The following TPD52 variants were observed in gnomAD, a reference collection of about 807,000 sequenced individuals.
TPD52 encodes tumor protein D52, also known as prostate and colon associated protein.
In TPD52, 17 loss-of-function variants were observed where a neutral mutation model predicts 31.3. The observed-to-expected ratio is 0.54, with a 90% confidence interval of 0.37 to 0.82. The LOEUF is 0.82. Among genes scored for constraint, TPD52 ranks in the 40% least tolerant of loss-of-function variants. The pLI, the probability that TPD52 is intolerant of heterozygous loss-of-function variation, is 0.00. For synonymous variants in TPD52, 83 were observed against 89.6 expected (o/e 0.93, Z 0.42); for missense variants, 212 against 240.1 (o/e 0.88, Z 0.77).
chr8:80,127,272 T>C (rs1264034097), intron 1 of TPD52, among the ~76,000 whole-genome samples: 5 of 152,222 alleles, frequency 3.3e-5, no homozygotes, highest in East Asian at 1.9e-4. Context: ...TCTCCAGCTC[T>C]CTCATCCAAA....
intron 1 of TPD52, among the ~76,000 whole-genome samples, chr8:80,106,883 G>A (rs372473802): frequency 3.5e-4 from 51 of 145,704 alleles, no homozygotes; most frequent in African/African-American, 1.3e-3. Context: ...ACGGAGTTTC[G>A]CTCTGTTGCC....
chr8:80,068,928 GA>G (rs1401849787), intron 1 of TPD52, among the ~76,000 whole-genome samples: 2 of 152,172 alleles, frequency 1.3e-5, no homozygotes, highest in Non-Finnish European at 2.9e-5. Context: ...AAATGGCTTA[GA>G]AAATGCCAGG....
chr8:80,051,390 G>A (rs758573936), intron 4 of TPD52, 137 bp downstream of exon 4: 2 of 733,884 alleles, frequency 2.7e-6, no homozygotes, highest in Non-Finnish European at 4.7e-6. Flanking sequence ...CCAGGTACTG[G>A]TTTGAAGGAG....
intron 1 of TPD52, among the ~76,000 whole-genome samples, chr8:80,152,060 A>G (rs1810604003): frequency 1.3e-5 from 2 of 152,342 alleles, no homozygotes; most frequent in South Asian, 4.1e-4. Context: ...CAAAAATAGA[A>G]TACTGCAACG....
chr8:80,096,279 C>CACACAA (rs1816729069), intron 1 of TPD52, among the ~76,000 whole-genome samples: 2 of 122,600 alleles, frequency 1.6e-5, no homozygotes, highest in African/African-American at 6.1e-5. Flanking sequence ...GACTATCAAA[C>CACACAA]ACACACACAC....
intron 1 of TPD52, among the ~76,000 whole-genome samples, chr8:80,081,333 G>A (rs930758399): frequency 1.3e-5 from 2 of 152,022 alleles, no homozygotes; most frequent in Admixed American, 6.6e-5. Flanking sequence ...GAAGGACTGG[G>A]CCACAGCTAG....
downstream of TPD52, among the ~76,000 whole-genome samples, chr8:80,031,662 A>C (rs140774099): frequency 5.4e-3 from 819 of 152,246 alleles, 6 homozygotes; most frequent in African/African-American, 0.019. Context: ...GTCCGAGACC[A>C]GCTTGGGCCA....
downstream of TPD52, among the ~76,000 whole-genome samples, chr8:80,033,705 CAG>C (rs1809752134): frequency 6.6e-6 from 1 of 152,158 alleles, no homozygotes; most frequent in South Asian, 2.1e-4. Context: ...GTGAGCAAGG[CAG>C]AGAGGAGCGT....
At chr8:80,143,827 T>C (rs1208420204) in intron 1 of TPD52, among the ~76,000 whole-genome samples, 2 of 152,190 alleles carry the variant, frequency 1.3e-5, no homozygotes, top group Non-Finnish European at 1.5e-5. Context: ...TTTAGTACAT[T>C]CCACCATATT....
At chr8:80,104,186 C>T (rs1806938263) in intron 1 of TPD52, among the ~76,000 whole-genome samples, 2 of 152,130 alleles carry the variant, frequency 1.3e-5, no homozygotes, top group Admixed American at 1.3e-4. Flanking sequence ...GAAGTTAAGT[C>T]CTAACAAGCT....
At chr8:80,058,516 G>C (rs1471571282) in intron 2 of TPD52, among the ~76,000 whole-genome samples, 1 of 152,226 alleles carries the variant, frequency 6.6e-6, no homozygotes, top group Non-Finnish European at 1.5e-5. Flanking sequence ...AAAAATATAT[G>C]GCTGGGCATG....
At chr8:80,093,324 T>C (rs1181705049) in intron 1 of TPD52, among the ~76,000 whole-genome samples, 8 of 152,190 alleles carry the variant, frequency 5.3e-5, no homozygotes, top group African/African-American at 1.9e-4. Context: ...AGAGGTGTCA[T>C]CCAAGCTAAA....
rs77936489 is a variant in TPD52 at position 80,112,455 on chromosome 8, C to T, written c.20-47862G>A. ...TCTTCCTCCAAGATTTGGGGCAGGT[C>T]CCAGGCATCTCTATGTTTAACTAGT... On this transcript the variant is annotated intron_variant, in intron 1 of 7. Coordinates refer to ENST00000518937, the MANE Select transcript of TPD52 (RefSeq NM_001025253.3). Among the ~76,000 whole-genome samples the T allele has an allele frequency of 5.4e-3, 822 of 152,176 alleles. 7 individuals are homozygous for T. The highest frequency in any genetic ancestry group is 0.019 in the African/African-American group (778 of 41,500).
rs539377453 is a variant in TPD52, at chr8:80,043,645, T to C, written c.455+522A>G. On this transcript the variant is annotated intron_variant, in intron 6 of 7. Coordinates refer to ENST00000518937, the MANE Select transcript of TPD52 (RefSeq NM_001025253.3). Reference sequence around the variant, plus strand: ...GGTTTCACAAGCACTCCAAGTGATTTTGATGGACACTTAAGTTTAAGCCAA... The same window carrying C: ...GGTTTCACAAGCACTCCAAGTGATTCTGATGGACACTTAAGTTTAAGCCAA... Among the ~76,000 whole-genome samples the C allele has an allele frequency of 1.4e-4, 22 of 152,298 alleles. No homozygotes were observed. The East Asian group carries it at 2.3e-3, about 16-fold the overall frequency.
intron 7 of TPD52, among the ~76,000 whole-genome samples, chr8:80,041,715 T>C (rs541153054): frequency 8.6e-4 from 131 of 151,452 alleles, no homozygotes; most frequent in African/African-American, 2.8e-3. Flanking sequence ...ATAAAAACAG[T>C]GAATCATAAA....
At chr8:80,050,769 A>G (rs1563570889) in intron 4 of TPD52, among the ~76,000 whole-genome samples, 1 of 152,214 alleles carries the variant, frequency 6.6e-6, no homozygotes, top group Non-Finnish European at 1.5e-5. Flanking sequence ...TTCAACCAAG[A>G]AATTCTGGTT....
rs529197258 is a variant in TPD52, at chr8:80,088,420, A to T, written c.20-23827T>A. ...CACGAGGTTAGTCATGTTATCTCCA[A>T]TTTCCAGAGGAGTGAGCATAAGGAA... On this transcript the variant is annotated intron_variant, in intron 1 of 7. Transcript: ENST00000518937. 1.4e-3 allele frequency among the ~76,000 whole-genome samples: 218 copies of T among 152,288 alleles called. 1 individual carries two copies. Among genetic ancestry groups the T allele is most frequent in the Non-Finnish European group, 2.3e-3 (156 of 68,010 alleles).
Position 80,171,010 on chromosome 8 carries a change from G to C in TPD52, c.19+415C>G, listed in dbSNP as rs918774754. On this transcript the variant is annotated intron_variant, in intron 1 of 7. Coordinates refer to ENST00000518937, the MANE Select transcript of TPD52 (RefSeq NM_001025253.3). Reference sequence around the variant, plus strand: ...AAGTCTTAATTTATGAGGGAGAGAGGGGTTTCCCACCTGGAGGGACGAGAG... The same window carrying C: ...AAGTCTTAATTTATGAGGGAGAGAGCGGTTTCCCACCTGGAGGGACGAGAG... The C allele has an allele frequency of 9.3e-6, 4 of 429,832 alleles. No homozygotes were observed. In the East Asian group the frequency reaches 1.6e-4, roughly 17 times the overall value. 26.6% of individuals were successfully genotyped at this position (429,832 alleles called of 1,614,324 possible).
At chr8:80,092,513 T>C (rs752666241) in intron 1 of TPD52, among the ~76,000 whole-genome samples, 5 of 152,184 alleles carry the variant, frequency 3.3e-5, no homozygotes, top group Non-Finnish European at 5.9e-5. Context: ...AGCAATGATA[T>C]GGAATCAACC....
Sources: allele counts gnomAD v4.1 joint callset (sites outside exome capture counted in the v4.1 genomes callset), GRCh38; gene constraint gnomAD v4.1.1; transcripts MANE v1.5; gene names NCBI Gene and HGNC (gene_info 2026-07-23, HGNC 2026-07-21).